TSHR: variants seen among roughly 807,000 people sequenced by gnomAD.
The protein encoded by TSHR is thyroid stimulating hormone receptor.
In TSHR, 51 loss-of-function variants were observed where a neutral mutation model predicts 64.1. The observed-to-expected ratio is 0.80, with a 90% CI of 0.64 to 1.01. The LOEUF is 1.01. Ranked by LOEUF, TSHR falls within the 50% of genes least tolerant of loss-of-function variation. The pLI is 0.00. For synonymous variants in TSHR, 361 were observed against 361.9 expected (o/e 1.00, Z 0.03); for missense variants, 877 against 942.8 (o/e 0.93, Z 0.91).
At chr14:80,964,183 C>T (rs182090811) in intron 1 of TSHR, among the ~76,000 whole-genome samples, 2 of 152,098 alleles carry the variant, frequency 1.3e-5, no homozygotes, top group Non-Finnish European at 2.9e-5. Flanking sequence ...CTGGCTAACA[C>T]GGTGAAACCC....
intron 3 of TSHR, among the ~76,000 whole-genome samples, chr14:81,075,065 A>G (rs773817788): frequency 1.7e-4 from 26 of 152,214 alleles, no homozygotes; most frequent in Non-Finnish European, 3.4e-4. Flanking sequence ...CTATAACCTA[A>G]CTGGATATGT....
rs397853041 is a variant in TSHR at position 81,096,041 on chromosome 14, C to CAA, written c.546-580_546-579dup. Among the ~76,000 whole-genome samples, 169 of 68,380 alleles carry CAA rather than the reference C, an allele frequency of 2.5e-3. No individual in the cohort carries two copies. In the Middle Eastern group the frequency reaches 0.026, roughly 11 times the overall value. The allele number at this position is 68,380 out of a possible 152,430, so 44.9% of individuals were successfully genotyped here. ...GGTGACAGAGTGAGAGACCCTGTCT[C>CAA]AAAAAAAAAAAAAAAAAAATCCATA... is the stretch of plus-strand genomic sequence containing the variant. On this transcript the variant is annotated intron_variant, in intron 6 of 9. Transcript: ENST00000298171.
At chr14:81,072,503 G>C (rs1239792803) in intron 3 of TSHR, among the ~76,000 whole-genome samples, 1 of 152,138 alleles carries the variant, frequency 6.6e-6, no homozygotes, top group Admixed American at 6.5e-5. Context: ...CAGGCTAATA[G>C]TAGTGGGGAA....
At chr14:81,092,468 A>C in intron 5 of TSHR, 63 bp from the exon 6 acceptor site, 1 of 1,457,224 alleles carries the variant, frequency 6.9e-7, no homozygotes, top group South Asian at 1.1e-5. Context: ...TATGCGCAGC[A>C]AGACCCCTGC....
chr14:81,084,451 A>G (rs977233894), intron 3 of TSHR, among the ~76,000 whole-genome samples: 2 of 152,164 alleles, frequency 1.3e-5, no homozygotes, highest in Admixed American at 1.3e-4. Flanking sequence ...AGAGTACTCT[A>G]TATTTTTGGA....
At chr14:81,124,989 T>C (rs1269374011) in intron 8 of TSHR, among the ~76,000 whole-genome samples, 1 of 152,230 alleles carries the variant, frequency 6.6e-6, no homozygotes, top group Admixed American at 6.5e-5. Context: ...ATTTACTCAC[T>C]TATTCCACAG....
At chr14:81,011,356 T>C (rs1420949696) in intron 1 of TSHR, among the ~76,000 whole-genome samples, 1 of 152,126 alleles carries the variant, frequency 6.6e-6, no homozygotes, top group African/African-American at 2.4e-5. Flanking sequence ...TTTATTCAGT[T>C]ATTAGTTGTC....
At chr14:81,126,734 T>C (rs1891035659) in intron 8 of TSHR, among the ~76,000 whole-genome samples, 1 of 152,218 alleles carries the variant, frequency 6.6e-6, no homozygotes, top group African/African-American at 2.4e-5. Context: ...AATCTGAAGT[T>C]TGTTCTTTGT....
chr14:81,072,073 T>C (rs902421725), intron 3 of TSHR, among the ~76,000 whole-genome samples: 9 of 152,228 alleles, frequency 5.9e-5, no homozygotes, highest in African/African-American at 1.9e-4. Flanking sequence ...AAGAGTGATG[T>C]AGTTGGTCAC....
chr14:81,061,732 A>C (rs1323757264), intron 1 of TSHR, among the ~76,000 whole-genome samples: 1 of 152,078 alleles, frequency 6.6e-6, no homozygotes, highest in African/African-American at 2.4e-5. Flanking sequence ...GTACAAAAAA[A>C]ACCCTGACAC....
intron 1 of TSHR, 114 bp downstream of exon 1, chr14:80,955,964 GTA>G: frequency 7.9e-7 from 1 of 1,260,334 alleles, no homozygotes; most frequent in South Asian, 1.2e-5. Context: ...GTGAGTGTGT[GTA>G]TGTGTGAGTG....
intron 1 of TSHR, among the ~76,000 whole-genome samples, chr14:80,985,822 C>T (rs909087860): frequency 6.6e-6 from 1 of 152,140 alleles, no homozygotes; most frequent in Non-Finnish European, 1.5e-5. Context: ...AGAATATATA[C>T]AAGGGGTATG....
chr14:80,976,287 G>T (rs1887872775), intron 1 of TSHR, among the ~76,000 whole-genome samples: 1 of 152,170 alleles, frequency 6.6e-6, no homozygotes, highest in Non-Finnish European at 1.5e-5. Context: ...TACCTTTGGG[G>T]AACAGGTTAT....
intron 8 of TSHR, among the ~76,000 whole-genome samples, chr14:81,130,003 C>T (rs1471943256): frequency 1.3e-5 from 2 of 152,156 alleles, no homozygotes; most frequent in Non-Finnish European, 2.9e-5. Flanking sequence ...ACCTAAAAGA[C>T]ATCAGTTGAA....
intron 1 of TSHR, among the ~76,000 whole-genome samples, chr14:81,037,403 AGGAACAAAGGAAATAC>A: frequency 6.7e-6 from 1 of 150,298 alleles, no homozygotes; most frequent in African/African-American, 2.5e-5. Context: ...AGAGGGAAAA[AGGAACAAAGGAAATAC>A]AAAACAAACA....
chr14:81,097,878 T>C lies in TSHR; in HGVS notation c.614+1171T>C, dbSNP rs554836919. On this transcript the variant is annotated intron_variant, in intron 7 of 9. Transcript: ENST00000298171. The stretch of plus-strand genomic sequence containing the variant: ...TTACAGTACCATTCTCTCGATTGTC[T>C]GGTTGTGGAGTCATAATGGTTCATT... 1.8e-3 allele frequency among the ~76,000 whole-genome samples: 280 copies of C among 152,324 alleles called. 3 individuals are homozygous for C. The highest frequency in any genetic ancestry group is 6.3e-3 in the African/African-American group (261 of 41,566).
chr14:81,067,270 T>A lies in TSHR; in HGVS notation c.243-984T>A, dbSNP rs113097529. Among the ~76,000 whole-genome samples, 395 of 152,048 alleles carry A rather than the reference T, an allele frequency of 2.6e-3. 7 individuals are homozygous for A. The Middle Eastern group carries it at 0.027, about 10-fold the overall frequency. Reference sequence around the variant, plus strand: ...TAGTGTTCTTTTCTGATGCTCATGTTTTTTTGCTATTTTGAGGAACTCTTC... The same window carrying A: ...TAGTGTTCTTTTCTGATGCTCATGTATTTTTGCTATTTTGAGGAACTCTTC... On this transcript the variant is annotated intron_variant, in intron 2 of 9. Coordinates refer to ENST00000298171, the MANE Select transcript of TSHR (RefSeq NM_000369.5).
chr14:81,136,428 G>A (rs1891459226), intron 8 of TSHR, among the ~76,000 whole-genome samples: 1 of 141,624 alleles, frequency 7.1e-6, no homozygotes, highest in South Asian at 2.5e-4. Context: ...CATTCCTCAA[G>A]GTTACTAATT....
chr14:81,084,398 T>G lies in TSHR; in HGVS notation c.318-3556T>G, dbSNP rs1176879756. Among the ~76,000 whole-genome samples the G allele has an allele frequency of 2.0e-5, 3 of 152,190 alleles. No homozygotes were observed. In the East Asian group the frequency reaches 5.8e-4, roughly 29 times the overall value. On this transcript the variant is annotated intron_variant, in intron 3 of 9. Coordinates refer to ENST00000298171, the MANE Select transcript of TSHR (RefSeq NM_000369.5). ...AAAATAAAAAGTGAAAATTCCACAT[T>G]CCTTCTTTTTAAACCTATCTGCTAG...
Sources: gnomAD v4.1 joint callset for allele counts (sites outside exome capture counted in the v4.1 genomes callset) on GRCh38, gnomAD v4.1.1 for gene constraint, MANE v1.5 for transcripts, NCBI Gene and HGNC (gene_info 2026-07-23, HGNC 2026-07-21) for gene names.